The following PRKG1 variants were observed in gnomAD, a reference collection of about 807,000 sequenced individuals.
PRKG1 encodes protein kinase cGMP-dependent 1.
In PRKG1, 35 loss-of-function variants were observed where a neutral mutation model predicts 88.1. The observed-to-expected ratio is 0.40, with a 90% CI of 0.30 to 0.53. The LOEUF is 0.53. PRKG1 is among the 20% of genes least tolerant of loss of function. The pLI is 0.59. For synonymous variants in PRKG1, 303 were observed against 292.5 expected, an observed-to-expected ratio of 1.04 and a Z score of -0.37; for missense variants, 540 against 839.8, an observed-to-expected ratio of 0.64 and a Z score of 4.41.
intron 2 of PRKG1, among the ~76,000 whole-genome samples, chr10:51,163,687 C>T (rs1315370419): frequency 6.6e-6 from 1 of 152,224 alleles, no homozygotes; most frequent in African/African-American, 2.4e-5. Context: ...GGGTCACTCC[C>T]ACCCTAATAC....
intron 1 of PRKG1, among the ~76,000 whole-genome samples, chr10:51,051,875 A>G (rs1589124253): frequency 1.3e-5 from 2 of 152,272 alleles, no homozygotes; most frequent in East Asian, 3.9e-4. Flanking sequence ...AGAAAAATCG[A>G]TTCAGGATGA....
At chr10:52,243,459 A>G in intron 9 of PRKG1, among the ~76,000 whole-genome samples, 1 of 152,162 alleles carries the variant, frequency 6.6e-6, no homozygotes. Context: ...AGCAATGTGG[A>G]GGTTAAACTA....
At chr10:51,401,661 A>C (rs1242830199) in intron 2 of PRKG1, among the ~76,000 whole-genome samples, 1 of 152,106 alleles carries the variant, frequency 6.6e-6, no homozygotes, top group East Asian at 1.9e-4. Context: ...CCTTCATTTA[A>C]AGAAGGCATC....
chr10:51,514,933 A>G (rs1337302589), intron 3 of PRKG1, among the ~76,000 whole-genome samples: 1 of 152,134 alleles, frequency 6.6e-6, no homozygotes, highest in Non-Finnish European at 1.5e-5. Flanking sequence ...CTTTGCTGTG[A>G]GAGGCTGTCC....
chr10:51,978,775 G>A (rs1453868592), intron 5 of PRKG1, among the ~76,000 whole-genome samples: 1 of 151,938 alleles, frequency 6.6e-6, no homozygotes, highest in South Asian at 2.1e-4. Flanking sequence ...TGTTGTTCAT[G>A]TACAAAAATG....
chr10:51,208,768 C>G (rs907121144), intron 2 of PRKG1, among the ~76,000 whole-genome samples: 2 of 152,048 alleles, frequency 1.3e-5, no homozygotes, highest in Non-Finnish European at 2.9e-5. Context: ...GCTGGTGATG[C>G]CTTTGACATG....
intron 3 of PRKG1, among the ~76,000 whole-genome samples, chr10:51,737,738 TTAATTATTATTATTATTATTATTA>T (rs1837320879): frequency 7.5e-6 from 1 of 132,714 alleles, no homozygotes; most frequent in African/African-American, 2.8e-5. Flanking sequence ...TATTTATTTA[TTAATTATTATTATTATTATTATTA>T]TTATTATTAT....
rs560475900 is a variant in PRKG1, at chr10:51,813,657, C to T, written c.698+8967C>T. Among the ~76,000 whole-genome samples the T allele has an allele frequency of 5.5e-4, 83 of 152,220 alleles. No individual in the cohort carries two copies. The South Asian group carries it at 8.5e-3, about 16-fold the overall frequency. On this transcript the variant is annotated intron_variant, in intron 4 of 17. Coordinates refer to ENST00000373980, the MANE Select transcript of PRKG1 (RefSeq NM_006258.4). ...CTATAGAACTGATACTCTTAAACTC[C>T]ACCCTATACTGCCTCAATAAATTCT... is the stretch of plus-strand genomic sequence containing the variant.
intron 1 of PRKG1, among the ~76,000 whole-genome samples, chr10:51,061,854 A>G (rs1843695634): frequency 6.6e-6 from 1 of 152,222 alleles, no homozygotes; most frequent in Admixed American, 6.5e-5. Flanking sequence ...CAACATTTGT[A>G]TCACATTTCT....
At chr10:51,466,375 A>C (rs1422923523) in intron 2 of PRKG1, among the ~76,000 whole-genome samples, 1 of 152,032 alleles carries the variant, frequency 6.6e-6, no homozygotes, top group Non-Finnish European at 1.5e-5. Flanking sequence ...TTCATTCCTG[A>C]CTAATTTCTT....
intron 3 of PRKG1, among the ~76,000 whole-genome samples, chr10:51,587,360 T>C (rs1781767313): frequency 6.6e-6 from 1 of 152,168 alleles, no homozygotes; most frequent in South Asian, 2.1e-4. Flanking sequence ...TGCATAGTTG[T>C]AAATTACGCA....
At chr10:51,464,698 C>T (rs293297) in intron 2 of PRKG1, among the ~76,000 whole-genome samples, 12 of 151,194 alleles carry the variant, frequency 7.9e-5, no homozygotes, top group East Asian at 3.9e-4. Context: ...GAGACCATCC[C>T]GGCTAAAACG....
intron 4 of PRKG1, among the ~76,000 whole-genome samples, chr10:51,831,458 G>A (rs563495169): frequency 6.6e-6 from 1 of 152,032 alleles, no homozygotes; most frequent in Non-Finnish European, 1.5e-5. Flanking sequence ...ATGAGACAAG[G>A]TGGGAATTTC....
At position 51,708,320 on chromosome 10, in the gene PRKG1, A is replaced by G. The variant is rs116090927; in HGVS notation, c.593-96265A>G. Among the ~76,000 whole-genome samples, 410 of 152,258 alleles carry G rather than the reference A, an allele frequency of 2.7e-3. 1 individual carries two copies. The highest frequency in any genetic ancestry group is 6.8e-3 in the Middle Eastern group (2 of 294). On this transcript the variant is annotated intron_variant, in intron 3 of 17. Coordinates refer to ENST00000373980, the MANE Select transcript of PRKG1 (RefSeq NM_006258.4). ...TCCACACGTATGACCTCATTTAATTATAATTATCTCTTTAGAGGCTCTGTC... is the reference window on the plus strand; with the variant it reads ...TCCACACGTATGACCTCATTTAATTGTAATTATCTCTTTAGAGGCTCTGTC...
rs141859048 is a variant in PRKG1 at position 51,127,266 on chromosome 10, A to T, written c.312-25898A>T. ...ACAAGGAACTGTAATTTACAAGAACAACAACAACAACAACATCAAAAAGTG... is the reference window on the plus strand; with the variant it reads ...ACAAGGAACTGTAATTTACAAGAACTACAACAACAACAACATCAAAAAGTG... On this transcript the variant is annotated intron_variant, in intron 1 of 17. Transcript: ENST00000373980. Among the ~76,000 whole-genome samples, 14 of 151,428 alleles carry T rather than the reference A, an allele frequency of 9.2e-5. No homozygotes were observed. The East Asian group carries it at 2.7e-3, about 29-fold the overall frequency.
intron 5 of PRKG1, among the ~76,000 whole-genome samples, chr10:51,979,526 A>G (rs1358908440): frequency 7.2e-6 from 1 of 138,900 alleles, no homozygotes; most frequent in Non-Finnish European, 1.5e-5. Flanking sequence ...TTTTGGAAAT[A>G]GTTTCAGTAG....
intron 1 of PRKG1, among the ~76,000 whole-genome samples, chr10:51,084,432 T>G (rs1844196558): frequency 6.6e-6 from 1 of 152,214 alleles, no homozygotes; most frequent in Non-Finnish European, 1.5e-5. Context: ...AGTGACAATT[T>G]ACTACCAAGA....
At chr10:51,185,570 T>C (rs1237060851) in intron 2 of PRKG1, among the ~76,000 whole-genome samples, 2 of 152,048 alleles carry the variant, frequency 1.3e-5, no homozygotes, top group African/African-American at 4.8e-5. Flanking sequence ...AGAAAGTCAC[T>C]ATTTTGTTTT....
chr10:51,218,496 T>TATAG (rs1838431015), intron 2 of PRKG1, among the ~76,000 whole-genome samples: 1 of 92,006 alleles, frequency 1.1e-5, no homozygotes, highest in Admixed American at 1.1e-4. Flanking sequence ...TCTTCATATA[T>TATAG]ATATATATAT....
Sources: gnomAD v4.1 joint callset for allele counts (sites outside exome capture counted in the v4.1 genomes callset) on GRCh38, gnomAD v4.1.1 for gene constraint, MANE v1.5 for transcripts, NCBI Gene and HGNC (gene_info 2026-07-23, HGNC 2026-07-21) for gene names.